RHCE: variants seen among roughly 807,000 people sequenced by gnomAD.
RHCE encodes the protein Rh blood group CcEe antigens.
RHCE carries 22 observed loss-of-function variants against 43.8 expected under a neutral mutation model. The ratio of observed to expected loss-of-function variants is 0.50; its 90% CI spans 0.36 to 0.72. RHCE has a LOEUF of 0.72. RHCE is among the 30% of genes least tolerant of loss of function. The pLI is 0.00. For missense variants in RHCE, 385 were observed against 525.4 expected, an observed-to-expected ratio of 0.73 and a Z score of 2.61; for synonymous variants, 156 against 210.7, an observed-to-expected ratio of 0.74 and a Z score of 2.25.
At chr1:25,423,123 AG>A (rs2042779539), upstream of RHCE, among the ~76,000 whole-genome samples, 1 of 152,202 alleles carries the variant, frequency 6.6e-6, no homozygotes, top group South Asian at 2.1e-4. Context: ...ACAGCAATTA[AG>A]GGGGAGGGTA....
chr1:25,411,442 A>G, intron 1 of RHCE: 1 of 1,549,948 alleles, frequency 6.5e-7, no homozygotes. Flanking sequence ...AAGTACATTT[A>G]AATTCACTTC....
At chr1:25,386,190 G>T (rs190773294) in intron 6 of RHCE, among the ~76,000 whole-genome samples, 35 of 152,266 alleles carry the variant, frequency 2.3e-4, no homozygotes, top group African/African-American at 8.4e-4. Flanking sequence ...GGGCTGCCCT[G>T]TGCACTGTAG....
rs1401642693 is a variant in RHCE at position 25,407,952 on chromosome 1, G to A, written c.335+731C>T. Among the ~76,000 whole-genome samples the A allele has an allele frequency of 1.6e-5, 2 of 123,680 alleles. 1 individual carries two copies. The highest frequency in any genetic ancestry group is 1.7e-4 in the Admixed American group (2 of 11,446). The allele number at this position is 123,680 out of a possible 152,430, so 81.1% of individuals were successfully genotyped here. On this transcript the variant is annotated intron_variant, in intron 2 of 9. Coordinates refer to ENST00000294413, the MANE Select transcript of RHCE (RefSeq NM_020485.8). ...GAAAATAAAGGCATGGCTATTTCTT[G>A]TCTAGTAGCTTTAGGGGGCTGAAAG...
intron 3 of RHCE, among the ~76,000 whole-genome samples, chr1:25,393,524 G>T (rs1356784030): frequency 2.6e-5 from 4 of 152,198 alleles, no homozygotes; most frequent in African/African-American, 9.7e-5. Flanking sequence ...GGGAGGCTGA[G>T]GCAGGAGATT....
chr1:25,405,526 G>A (rs751118314), intron 2 of RHCE, among the ~76,000 whole-genome samples: 6 of 151,028 alleles, frequency 4.0e-5, no homozygotes, highest in Non-Finnish European at 5.9e-5. Context: ...GGTAGCAGGC[G>A]TCTGTAAAAA....
intron 9 of RHCE, among the ~76,000 whole-genome samples, chr1:25,369,437 C>T (rs1261424158): frequency 2.0e-5 from 3 of 151,628 alleles, no homozygotes; most frequent in Admixed American, 2.0e-4. Flanking sequence ...AGAGGATGGC[C>T]TAAGGGGACA....
intron 3 of RHCE, among the ~76,000 whole-genome samples, chr1:25,392,523 A>G (rs1444456238): frequency 6.7e-6 from 1 of 148,506 alleles, no homozygotes; most frequent in Admixed American, 6.7e-5. Flanking sequence ...GGCCTCCCAA[A>G]GTGCTGGGAT....
chr1:25,362,689 T>G, intron 9 of RHCE, 136 bp from the exon 10 acceptor site: 1 of 564,712 alleles, frequency 1.8e-6, no homozygotes, highest in Non-Finnish European at 2.9e-6. Flanking sequence ...GGAAGAGATC[T>G]TGGATATATA....
chr1:25,397,497 GA>G (rs1265383958), intron 3 of RHCE, among the ~76,000 whole-genome samples: 544 of 113,788 alleles, frequency 4.8e-3, no homozygotes, highest in African/African-American at 7.5e-3. Flanking sequence ...AACTCCATCT[GA>G]AAAAAAAAAA....
chr1:25,425,397 G>A (rs536828710), upstream of RHCE, among the ~76,000 whole-genome samples: 68 of 152,296 alleles, frequency 4.5e-4, no homozygotes, highest in African/African-American at 1.5e-3. Context: ...GAGAGGTGGC[G>A]TGAGTACCCA....
chr1:25,384,356 G>A (rs636640), intron 7 of RHCE, among the ~76,000 whole-genome samples: 108 of 151,936 alleles, frequency 7.1e-4, no homozygotes, highest in Admixed American at 1.0e-3. Flanking sequence ...CACTGTGATG[G>A]TGGGTGCAAG....
intron 1 of RHCE, among the ~76,000 whole-genome samples, chr1:25,412,695 A>G (rs536619180): frequency 7.7e-5 from 11 of 142,022 alleles, no homozygotes; most frequent in African/African-American, 2.9e-4. Context: ...AGCCTAGGCG[A>G]CAGAGGGAGA....
rs191290420 is a variant in RHCE, at chr1:25,427,027, A to G, written c.-40+1926T>C. 5.3e-3 allele frequency among the ~76,000 whole-genome samples: 812 copies of G among 152,048 alleles called. 6 individuals carry two copies. Among genetic ancestry groups the G allele is most frequent in the African/African-American group, 0.018 (745 of 41,384 alleles). ...AGCTGAGAATGCACCACTGCACTCCAGCCTGGGTGACAGAGCAAGACTCCA... is the reference window on the plus strand; with the variant it reads ...AGCTGAGAATGCACCACTGCACTCCGGCCTGGGTGACAGAGCAAGACTCCA... On this transcript the variant is annotated intron_variant, in intron 2 of 11. Coordinates refer to the RHCE transcript ENST00000349320.
rs751463411 is a variant in RHCE, at chr1:25,420,807, G to A, written c.-21C>T. On this transcript the variant is annotated 5_prime_UTR_variant, in exon 1 of 10. Coordinates refer to ENST00000294413, the MANE Select transcript of RHCE (RefSeq NM_020485.8). ...CTCATCCTGTGTCCGTCTCTGTGCA[G>A]GGGTTCCACCAGCACCAGGCATCAC... 2.9e-5 allele frequency: 47 copies of A among 1,606,476 alleles called. No homozygotes were observed. Among genetic ancestry groups the A allele is most frequent in the Non-Finnish European group, 3.9e-5 (46 of 1,176,710 alleles).
At chr1:25,391,137 C>A (rs1310526784) in intron 4 of RHCE, among the ~76,000 whole-genome samples, 1 of 152,102 alleles carries the variant, frequency 6.6e-6, no homozygotes, top group Non-Finnish European at 1.5e-5. Context: ...ATCTGCATAC[C>A]CCAGGCCTCC....
intron 7 of RHCE, among the ~76,000 whole-genome samples, chr1:25,384,778 G>C (rs984823193): frequency 1.3e-5 from 2 of 152,166 alleles, no homozygotes; most frequent in African/African-American, 4.8e-5. Context: ...TTACAGCCAG[G>C]TTCCAGCCGG....
At chr1:25,426,918 G>A (rs749015897) in intron 2 of RHCE, among the ~76,000 whole-genome samples, 10 of 152,138 alleles carry the variant, frequency 6.6e-5, no homozygotes, top group African/African-American at 1.4e-4. Context: ...TTATCCAGGC[G>A]TGGTGGCGTG....
At chr1:25,405,103 A>G (rs1361357027) in intron 2 of RHCE, among the ~76,000 whole-genome samples, 3 of 149,972 alleles carry the variant, frequency 2.0e-5, no homozygotes, top group Non-Finnish European at 4.4e-5. Flanking sequence ...GGAGGCTGTA[A>G]TTCCAGTACT....
chr1:25,399,298 T>A (rs648574), intron 3 of RHCE: 9 of 838,326 alleles, frequency 1.1e-5, no homozygotes, highest in Non-Finnish European at 1.8e-5. Context: ...AACAGATAAG[T>A]CCATTGGTGG....
Sources: allele counts gnomAD v4.1 joint callset (sites outside exome capture counted in the v4.1 genomes callset), GRCh38; gene constraint gnomAD v4.1.1; transcripts MANE v1.5; gene names NCBI Gene and HGNC (gene_info 2026-07-23, HGNC 2026-07-21).